Variants in MKLN1 observed in about 807,000 individuals in gnomAD.
MKLN1 encodes the protein muskelin 1.
A neutral mutation model predicts 99.0 loss-of-function variants in MKLN1; 18 were observed. The observed-to-expected ratio is 0.18, with a 90% CI of 0.13 to 0.27. The LOEUF (loss-of-function observed/expected upper bound fraction) is 0.27. Ranked by LOEUF, MKLN1 falls within the 10% of genes least tolerant of loss-of-function variation. MKLN1 has a pLI of 1.00. For synonymous variants in MKLN1, 288 were observed against 293.2 expected, an observed-to-expected ratio of 0.98 and a Z score of 0.18; for missense variants, 621 against 875.9, an observed-to-expected ratio of 0.71 and a Z score of 3.67.
At chr7:131,472,321 T>G (rs1796841810) in intron 16 of MKLN1, 2 of 152,244 alleles carry the variant, frequency 1.3e-5, no homozygotes, top group South Asian at 2.1e-4. Context: ...AGTAAATAAT[T>G]TCAGCTGTGT....
At chr7:131,204,013 A>G in intron 3 of MKLN1, among the ~76,000 whole-genome samples, 1 of 152,236 alleles carries the variant, frequency 6.6e-6, no homozygotes, top group East Asian at 1.9e-4. Context: ...ACCTAGGACC[A>G]ATACAGCTTT....
At chr7:131,360,267 C>T (rs1232065274) in intron 1 of MKLN1, among the ~76,000 whole-genome samples, 1 of 152,008 alleles carries the variant, frequency 6.6e-6, no homozygotes. Flanking sequence ...TAATTAGTTT[C>T]TTTAGACCAT....
chr7:131,227,539 C>CTTTCTTTCTT (rs1563259405), intron 3 of MKLN1, among the ~76,000 whole-genome samples: 5 of 17,378 alleles, frequency 2.9e-4, no homozygotes, highest in East Asian at 1.5e-3. Context: ...CTTTCTTTCT[C>CTTTCTTTCTT]TCTTTCTTTT....
intron 2 of MKLN1, among the ~76,000 whole-genome samples, chr7:131,168,562 G>A (rs1796168852): frequency 6.6e-6 from 1 of 152,028 alleles, no homozygotes. Context: ...GTTCTCTGTA[G>A]CGCTTACCAC....
intron 3 of MKLN1, among the ~76,000 whole-genome samples, chr7:131,253,150 T>C (rs1797607836): frequency 6.6e-6 from 1 of 152,192 alleles, no homozygotes; most frequent in Non-Finnish European, 1.5e-5. Flanking sequence ...GAAATATTTA[T>C]TCAGGAAAAT....
chr7:131,196,517 C>T (rs182664124), intron 2 of MKLN1, among the ~76,000 whole-genome samples: 2 of 97,612 alleles, frequency 2.0e-5, no homozygotes, highest in South Asian at 4.8e-4. Flanking sequence ...AGCTAATACT[C>T]GACACATTCA....
chr7:131,280,690 C>T (rs1798038115), intron 3 of MKLN1, among the ~76,000 whole-genome samples: 1 of 151,274 alleles, frequency 6.6e-6, no homozygotes, highest in Non-Finnish European at 1.5e-5. Flanking sequence ...ACCCTGTCAC[C>T]CAGGCTGGAG....
intron 3 of MKLN1, among the ~76,000 whole-genome samples, chr7:131,239,865 A>C (rs923508119): frequency 1.3e-5 from 2 of 151,730 alleles, no homozygotes; most frequent in Non-Finnish European, 2.9e-5. Context: ...GTGTCCTATT[A>C]ATAATATATT....
chr7:131,290,580 A>G (rs779197581), intron 3 of MKLN1, among the ~76,000 whole-genome samples: 1 of 152,198 alleles, frequency 6.6e-6, no homozygotes. Context: ...CTTGGAATCT[A>G]TTTTGAAGAT....
intron 4 of MKLN1, among the ~76,000 whole-genome samples, chr7:131,393,104 C>T (rs540485423): frequency 1.3e-5 from 2 of 152,100 alleles, no homozygotes; most frequent in African/African-American, 4.8e-5. Flanking sequence ...CCAGGCTGGC[C>T]ATTTTATGAA....
intron 1 of MKLN1, among the ~76,000 whole-genome samples, chr7:131,347,965 G>A (rs1432031990): frequency 6.6e-6 from 1 of 152,170 alleles, no homozygotes; most frequent in East Asian, 1.9e-4. Flanking sequence ...ACAAACTAAT[G>A]GTTTGTGACC....
chr7:131,425,413 A>G (rs1795330016), intron 8 of MKLN1, among the ~76,000 whole-genome samples: 1 of 151,798 alleles, frequency 6.6e-6, no homozygotes. Context: ...TTGAACCCTC[A>G]TGGTGCTTTT....
chr7:131,400,518 A>ATATATATATATATATATAT (rs1554567982), intron 6 of MKLN1, among the ~76,000 whole-genome samples: 11 of 137,428 alleles, frequency 8.0e-5, no homozygotes, highest in African/African-American at 3.1e-4. Context: ...ATAAAAAAAA[A>ATATATATATATATATATAT]ATATATATAT....
intron 1 of MKLN1, among the ~76,000 whole-genome samples, chr7:131,131,427 C>T (rs184694833): frequency 2.0e-5 from 3 of 152,178 alleles, no homozygotes; most frequent in Admixed American, 6.5e-5. Context: ...GTTTTCTAAG[C>T]GGTAATAATA....
intron 6 of MKLN1, among the ~76,000 whole-genome samples, chr7:131,401,309 G>A (rs1235714654): frequency 6.6e-6 from 1 of 152,086 alleles, no homozygotes; most frequent in Non-Finnish European, 1.5e-5. Flanking sequence ...CATTTTATTA[G>A]AGGTGATTTT....
At chr7:131,398,918 A>G (rs1366871372) in intron 5 of MKLN1, among the ~76,000 whole-genome samples, 1 of 152,188 alleles carries the variant, frequency 6.6e-6, no homozygotes, top group Non-Finnish European at 1.5e-5. Flanking sequence ...CTATGGAGTT[A>G]TAATTTTTAC....
At chr7:131,135,996 G>C (rs965075212) in intron 1 of MKLN1, among the ~76,000 whole-genome samples, 15 of 152,152 alleles carry the variant, frequency 9.9e-5, no homozygotes, top group African/African-American at 3.1e-4. Flanking sequence ...AGGGAATTCA[G>C]GTGGGATTAC....
chr7:131,275,558 TA>T (rs1563275682), intron 3 of MKLN1, among the ~76,000 whole-genome samples: 42 of 28,138 alleles, frequency 1.5e-3, no homozygotes, highest in Non-Finnish European at 1.6e-3. Flanking sequence ...TATATATATA[TA>T]TATATATATT....
At chr7:131,146,609 G>C (rs776331744) in intron 2 of MKLN1, among the ~76,000 whole-genome samples, 5 of 152,190 alleles carry the variant, frequency 3.3e-5, no homozygotes, top group Non-Finnish European at 7.3e-5. Context: ...TATTTATTAA[G>C]TGAAAAGAAT....
Sources: allele counts gnomAD v4.1 joint callset (sites outside exome capture counted in the v4.1 genomes callset), GRCh38; gene constraint gnomAD v4.1.1; transcripts MANE v1.5; gene names NCBI Gene and HGNC (gene_info 2026-07-23, HGNC 2026-07-21).